Variants in ARHGAP15 observed in about 807,000 individuals in gnomAD.
The protein encoded by ARHGAP15 is Rho GTPase activating protein 15, also known as rho GTPase-activating protein 15.
A neutral mutation model predicts 63.7 loss-of-function variants in ARHGAP15; 51 were observed. The observed-to-expected ratio is 0.80, with a 90% CI of 0.64 to 1.01. ARHGAP15 has a LOEUF of 1.01. Ranked by LOEUF, ARHGAP15 falls within the 50% of genes least tolerant of loss-of-function variation. The pLI, the probability that ARHGAP15 is intolerant of heterozygous loss-of-function variation, is 0.00. For synonymous variants in ARHGAP15, 191 were observed against 193.8 expected (o/e 0.99, Z 0.12); for missense variants, 560 against 564.6 (o/e 0.99, Z 0.08).
At chr2:143,452,853 G>T (rs968714901) in intron 8 of ARHGAP15, among the ~76,000 whole-genome samples, 1 of 151,800 alleles carries the variant, frequency 6.6e-6, no homozygotes, top group African/African-American at 2.4e-5. Flanking sequence ...AAAATATTGG[G>T]ATGATATAGT....
chr2:143,531,115 T>C (rs1003110699), intron 10 of ARHGAP15, among the ~76,000 whole-genome samples: 2 of 34,630 alleles, frequency 5.8e-5, no homozygotes, highest in Non-Finnish European at 1.2e-4. Context: ...GCTGTGTGTG[T>C]ATGTGTGTGC....
intron 6 of ARHGAP15, among the ~76,000 whole-genome samples, chr2:143,334,324 C>G (rs1156424576): frequency 6.6e-6 from 1 of 151,958 alleles, no homozygotes; most frequent in Non-Finnish European, 1.5e-5. Flanking sequence ...TACCTTTTTT[C>G]TCAACATGGA....
chr2:143,183,722 CTT>C (rs766431084), intron 2 of ARHGAP15, among the ~76,000 whole-genome samples: 9 of 139,882 alleles, frequency 6.4e-5, no homozygotes, highest in Admixed American at 1.4e-4. Flanking sequence ...TTTTTCTTTT[CTT>C]TTTTTTTTTT....
At position 143,158,279 on chromosome 2, in the gene ARHGAP15, C is replaced by T. The variant is rs779872839; in HGVS notation, c.165+2624C>T. On this transcript the variant is annotated intron_variant, in intron 2 of 13. Transcript: ENST00000295095. ...ATGACTCTTAACTTAGAACACAATA[C>T]AAAATTCTCCTGTATATGTCGTAAA... 1.5e-3 allele frequency among the ~76,000 whole-genome samples: 229 copies of T among 151,890 alleles called. 1 individual carries two copies. The highest frequency in any genetic ancestry group is 7.8e-4 in the Non-Finnish European group (53 of 67,846).
intron 6 of ARHGAP15, among the ~76,000 whole-genome samples, chr2:143,292,027 A>G (rs75805214): frequency 0.021 from 3,156 of 152,258 alleles, 50 homozygotes; most frequent in South Asian, 0.099. Flanking sequence ...CGCGATGGCT[A>G]TTTCACAGTG....
chr2:143,371,029 A>G (rs117964439), intron 6 of ARHGAP15, among the ~76,000 whole-genome samples: 2,631 of 152,064 alleles, frequency 0.017, 39 homozygotes, highest in South Asian at 0.1. Context: ...GTTGTTGGGG[A>G]ATTTTATTTG....
chr2:143,320,313 T>C (rs1179031807), intron 6 of ARHGAP15, among the ~76,000 whole-genome samples: 1 of 149,384 alleles, frequency 6.7e-6, no homozygotes, highest in Admixed American at 6.8e-5. Context: ...TCTTCTGAAC[T>C]CCACATTCCA....
At chr2:143,540,091 T>C (rs1044369841) in intron 10 of ARHGAP15, among the ~76,000 whole-genome samples, 2 of 152,202 alleles carry the variant, frequency 1.3e-5, no homozygotes, top group African/African-American at 4.8e-5. Flanking sequence ...ATATTTAGGA[T>C]AGTTAGTTCT....
chr2:143,353,052 C>G (rs2105318563), intron 6 of ARHGAP15, among the ~76,000 whole-genome samples: 1 of 151,904 alleles, frequency 6.6e-6, no homozygotes, highest in East Asian at 1.9e-4. Flanking sequence ...ACTTTATAAA[C>G]AATTTAAAGA....
intron 6 of ARHGAP15, among the ~76,000 whole-genome samples, chr2:143,404,166 A>T (rs1359981400): frequency 6.6e-6 from 1 of 151,862 alleles, no homozygotes; most frequent in Admixed American, 6.6e-5. Context: ...AGGGGTTAGA[A>T]TATACTGATG....
At chr2:143,260,862 T>G (rs912698544) in intron 6 of ARHGAP15, among the ~76,000 whole-genome samples, 1 of 152,130 alleles carries the variant, frequency 6.6e-6, no homozygotes, top group African/African-American at 2.4e-5. Context: ...TCCTCTGTTC[T>G]CCATTCTACT....
chr2:143,416,488 C>G (rs952076063), intron 6 of ARHGAP15, among the ~76,000 whole-genome samples: 4 of 92,490 alleles, frequency 4.3e-5, no homozygotes. Context: ...TGCAGTTGGT[C>G]TGGTCTCCCC....
chr2:143,562,322 T>C (rs956600723), intron 11 of ARHGAP15, among the ~76,000 whole-genome samples: 1 of 152,170 alleles, frequency 6.6e-6, no homozygotes, highest in South Asian at 2.1e-4. Context: ...AAATAAGCAA[T>C]TGGATGAAAC....
intron 8 of ARHGAP15, among the ~76,000 whole-genome samples, chr2:143,454,299 T>G (rs912912326): frequency 1.3e-5 from 2 of 152,016 alleles, no homozygotes; most frequent in African/African-American, 2.4e-5. Context: ...TATTGTAAGT[T>G]AGGGGTGAAT....
At chr2:143,334,690 G>A (rs1336181791) in intron 6 of ARHGAP15, among the ~76,000 whole-genome samples, 1 of 152,068 alleles carries the variant, frequency 6.6e-6, no homozygotes, top group Non-Finnish European at 1.5e-5. Context: ...AGAAAATCAA[G>A]CACTCAAATA....
intron 6 of ARHGAP15, among the ~76,000 whole-genome samples, chr2:143,433,968 T>A (rs1052251767): frequency 2.6e-5 from 4 of 152,082 alleles, no homozygotes; most frequent in Non-Finnish European, 5.9e-5. Context: ...AGATTACTAT[T>A]TCTTAGGCAA....
chr2:143,465,543 C>A (rs1290943442), intron 8 of ARHGAP15, among the ~76,000 whole-genome samples: 1 of 151,946 alleles, frequency 6.6e-6, no homozygotes. Context: ...AACTGGCAGT[C>A]CTTTTAAATA....
chr2:143,381,680 C>T (rs1687059302), intron 6 of ARHGAP15, among the ~76,000 whole-genome samples: 2 of 152,136 alleles, frequency 1.3e-5, no homozygotes, highest in Non-Finnish European at 2.9e-5. Flanking sequence ...GGCACCCTCT[C>T]ACTATAGACT....
Position 143,336,584 on chromosome 2 carries a change from C to T in ARHGAP15, c.474+85984C>T, listed in dbSNP as rs1402786076. ...GGATTCTGCAGTTTAAAAAAAAGTG[C>T]AGTGATAAAGCAGGCATGGCTGTGT... On this transcript the variant is annotated intron_variant, in intron 6 of 13. Transcript: ENST00000295095. Among the ~76,000 whole-genome samples the T allele has an allele frequency of 2.0e-5, 3 of 151,750 alleles. No homozygotes were observed. The East Asian group carries it at 5.8e-4, about 29-fold the overall frequency.
Sources: gnomAD v4.1 joint callset for allele counts (sites outside exome capture counted in the v4.1 genomes callset) on GRCh38, gnomAD v4.1.1 for gene constraint, MANE v1.5 for transcripts, NCBI Gene and HGNC (gene_info 2026-07-23, HGNC 2026-07-21) for gene names.